KSR1: variants seen among roughly 807,000 people sequenced by gnomAD.
KSR1 encodes the protein kinase suppressor of ras 1, also known as kinase suppressor of ras.
Under a neutral mutation model 92.9 loss-of-function variants are expected in KSR1, and 35 were observed. The ratio of observed to expected loss-of-function variants is 0.38; its 90% confidence interval spans 0.29 to 0.50. The LOEUF is 0.50. Ranked by LOEUF, KSR1 falls within the 20% of genes least tolerant of loss-of-function variation. KSR1 has a pLI of 0.94. For missense variants in KSR1, 972 were observed against 1,158.5 expected, an observed-to-expected ratio of 0.84 and a Z score of 2.34; for synonymous variants, 467 against 472.6, an observed-to-expected ratio of 0.99 and a Z score of 0.15.
At chr17:27,571,560 T>A (rs1295322779) in intron 2 of KSR1, among the ~76,000 whole-genome samples, 1 of 152,222 alleles carries the variant, frequency 6.6e-6, no homozygotes, top group Non-Finnish European at 1.5e-5. Context: ...GAGCCCACCT[T>A]TGGCCTCTCT....
intron 2 of KSR1, among the ~76,000 whole-genome samples, chr17:27,557,623 G>A (rs191038490): frequency 6.6e-6 from 1 of 152,280 alleles, no homozygotes; most frequent in East Asian, 1.9e-4. Context: ...ATCTCTCTGG[G>A]CCTCAGTTTA....
At chr17:27,491,304 GGTGTGTGTGTGTGTGTGTGTGT>G (rs60738939) in intron 1 of KSR1, among the ~76,000 whole-genome samples, 71 of 110,114 alleles carry the variant, frequency 6.4e-4, no homozygotes, top group Non-Finnish European at 9.5e-4. Flanking sequence ...TTTTGTTAGT[GGTGTGTGTGTGTGTGTGTGTGT>G]GTGTGTGTGT....
At chr17:27,605,283 C>T in intron 13 of KSR1, 151 bp from the exon 14 acceptor site, 1 of 1,014,132 alleles carries the variant, frequency 9.9e-7, no homozygotes. Flanking sequence ...GTGAGCTGCA[C>T]AGCAGGCCAG....
intron 1 of KSR1, among the ~76,000 whole-genome samples, chr17:27,533,668 C>A (rs1339203851): frequency 1.3e-5 from 2 of 152,112 alleles, no homozygotes; most frequent in Non-Finnish European, 2.9e-5. Context: ...AGGTGTGAGC[C>A]CCCGCACCCA....
chr17:27,613,373 T>C (rs1324439613), intron 18 of KSR1: 1 of 152,180 alleles, frequency 6.6e-6, no homozygotes, highest in African/African-American at 2.4e-5. Flanking sequence ...TGCGGACACA[T>C]TGAAAGGTGA....
intron 1 of KSR1, among the ~76,000 whole-genome samples, chr17:27,514,232 C>T (rs1482601536): frequency 6.6e-6 from 1 of 152,184 alleles, no homozygotes; most frequent in Non-Finnish European, 1.5e-5. Context: ...TATTGGGGCA[C>T]CCCAAAGACA....
At chr17:27,600,610 C>T (rs1389384799) in intron 10 of KSR1, among the ~76,000 whole-genome samples, 2 of 152,134 alleles carry the variant, frequency 1.3e-5, no homozygotes, top group Non-Finnish European at 2.9e-5. Flanking sequence ...GATTATTTCC[C>T]GCCAGCGTCA....
chr17:27,596,698 C>G (rs1721685540), intron 9 of KSR1, among the ~76,000 whole-genome samples: 1 of 152,166 alleles, frequency 6.6e-6, no homozygotes, highest in African/African-American at 2.4e-5. Context: ...GCCAGGTTTC[C>G]AAAGAAAAGG....
chr17:27,579,892 A>AAAAAAAT (rs1555598276), intron 3 of KSR1: 1 of 142,432 alleles, frequency 7.0e-6, no homozygotes, highest in Non-Finnish European at 1.5e-5. Context: ...AAAAAAAAAA[A>AAAAAAAT]AAAAAAAAAA....
At chr17:27,523,075 G>A (rs909552417) in intron 1 of KSR1, among the ~76,000 whole-genome samples, 5 of 152,214 alleles carry the variant, frequency 3.3e-5, no homozygotes, top group African/African-American at 1.2e-4. Flanking sequence ...TTGACTAGAT[G>A]TGGTGAAGTT....
intron 1 of KSR1, among the ~76,000 whole-genome samples, chr17:27,543,315 C>T (rs753941231): frequency 5.2e-4 from 79 of 152,282 alleles, no homozygotes; most frequent in Middle Eastern, 6.8e-3. Flanking sequence ...CTGGGACAGC[C>T]ATGACACACC....
chr17:27,464,276 C>G (rs142225347), intron 1 of KSR1, among the ~76,000 whole-genome samples: 2 of 152,138 alleles, frequency 1.3e-5, no homozygotes, highest in African/African-American at 4.8e-5. Context: ...ACGGGTGGAC[C>G]TTTTTTGAAG....
chr17:27,517,105 C>G (rs1391541758), intron 1 of KSR1, among the ~76,000 whole-genome samples: 1 of 152,204 alleles, frequency 6.6e-6, no homozygotes, highest in Non-Finnish European at 1.5e-5. Flanking sequence ...TAGAGAATCC[C>G]CTTCCCTTTC....
At chr17:27,522,798 C>T (rs1402397323) in intron 1 of KSR1, among the ~76,000 whole-genome samples, 2 of 152,226 alleles carry the variant, frequency 1.3e-5, no homozygotes, top group African/African-American at 4.8e-5. Flanking sequence ...GGGTGCACCA[C>T]TCTGAATGCT....
chr17:27,603,511 T>TG (rs994385393), intron 11 of KSR1, among the ~76,000 whole-genome samples: 1 of 152,196 alleles, frequency 6.6e-6, no homozygotes, highest in Admixed American at 6.5e-5. Flanking sequence ...ACTTGCTTGG[T>TG]GGGGGGCAGT....
intron 2 of KSR1, among the ~76,000 whole-genome samples, chr17:27,576,244 C>T (rs2072500984): frequency 6.6e-6 from 1 of 152,082 alleles, no homozygotes; most frequent in South Asian, 2.1e-4. Context: ...ATAGTAATAC[C>T]CCCTTTTCTG....
chr17:27,521,099 G>C (rs768302560), intron 1 of KSR1, among the ~76,000 whole-genome samples: 1 of 152,144 alleles, frequency 6.6e-6, no homozygotes, highest in East Asian at 1.9e-4. Flanking sequence ...TGAATCATGG[G>C]TGCTTTTAAA....
chr17:27,519,489 C>T (rs755887976), intron 1 of KSR1, among the ~76,000 whole-genome samples: 5 of 152,118 alleles, frequency 3.3e-5, no homozygotes, highest in African/African-American at 7.2e-5. Flanking sequence ...TCTATCATGT[C>T]GGCATAGTTT....
Position 27,623,657 on chromosome 17 carries a change from G to GTT in KSR1, c.*268_*269dup. The GTT allele has an allele frequency of 1.7e-6, 1 of 600,766 alleles. No homozygotes were observed. Among genetic ancestry groups the GTT allele is most frequent in the Non-Finnish European group, 2.9e-6 (1 of 342,222 alleles). The allele number at this position is 600,766 out of a possible 1,614,324, so 37.2% of individuals were successfully genotyped here. ...TATATTTCTCCTGAGTGAACCTGATGTTTTACAATAGGTAATAATAAAAAC... is the reference window on the plus strand; with the variant it reads ...TATATTTCTCCTGAGTGAACCTGATGTTTTTTACAATAGGTAATAATAAAAAC... On this transcript the variant is annotated 3_prime_UTR_variant, in exon 21 of 21. Transcript: ENST00000644974.
Sources: allele counts gnomAD v4.1 joint callset (sites outside exome capture counted in the v4.1 genomes callset), GRCh38; gene constraint gnomAD v4.1.1; transcripts MANE v1.5; gene names NCBI Gene and HGNC (gene_info 2026-07-23, HGNC 2026-07-21).